CCDC136: variants seen among roughly 807,000 people sequenced by gnomAD.
The protein encoded by CCDC136 is coiled-coil domain containing 136, also known as coiled-coil domain-containing protein 136.
A neutral mutation model predicts 141.2 loss-of-function variants in CCDC136; 100 were observed. The observed-to-expected ratio is 0.71, with a 90% CI of 0.60 to 0.84. The LOEUF (loss-of-function observed/expected upper bound fraction) is 0.84, where lower values mean the gene tolerates loss of function less well. CCDC136 is among the 40% of genes least tolerant of loss of function. The pLI, the probability that CCDC136 is intolerant of heterozygous loss-of-function variation, is 0.00. For missense variants in CCDC136, 1,206 were observed against 1,379.4 expected (o/e 0.87, Z 1.99); for synonymous variants, 474 against 531.9 (o/e 0.89, Z 1.50).
chr7:128,805,732 C>A lies in CCDC136; in HGVS notation c.949-29C>A. ...GAGCATATGTGGTATCTGTAGTAAA[C>A]AAGCCTCCCTGTTCCATTTCCCACA... On this transcript the variant is annotated intron_variant, in intron 6 of 17. Coordinates refer to ENST00000297788, the MANE Select transcript of CCDC136 (RefSeq NM_022742.5). The surrounding 1 kb of genome is among the most constrained non-coding windows in gnomAD (Gnocchi z 4.6). The A allele has an allele frequency of 1.9e-6, 3 of 1,607,888 alleles. No individual in the cohort carries two copies. Among genetic ancestry groups the A allele is most frequent in the Non-Finnish European group, 2.5e-6 (3 of 1,176,912 alleles).
At chr7:128,809,999 C>T (rs990364272) in intron 11 of CCDC136, 140 bp from the exon 12 acceptor site, 23 of 617,456 alleles carry the variant, frequency 3.7e-5, no homozygotes, top group Non-Finnish European at 6.2e-5. Flanking sequence ...AGGGCTCCCC[C>T]GTCCCCAGAT....
chr7:128,806,228 C>A lies in CCDC136; in HGVS notation c.1090-9C>A. ...AGTAACTGTTCTACTCACATCCTCC[C>A]TACCACAGAATGAGGAGCTGAAGTC... On this transcript the variant is annotated splice_polypyrimidine_tract_variant and intron_variant, in intron 7 of 17. Transcript: ENST00000297788. 1 of 1,552,688 alleles carries A rather than the reference C, an allele frequency of 6.4e-7. No individual in the cohort carries two copies. Among genetic ancestry groups the A allele is most frequent in the East Asian group, 2.4e-5 (1 of 42,212 alleles).
In CCDC136 at chr7:128,806,774, G is replaced by A. The variant is rs769807732; in HGVS notation, c.1335G>A (p.Gln445=). ...AAAAGCTGCTGGAACGGCAGCAGCAGCTGCAGGAGGAGCTGCAGTGCCATG... is the reference window on the plus strand; with the variant it reads ...AAAAGCTGCTGGAACGGCAGCAGCAACTGCAGGAGGAGCTGCAGTGCCATG... ...EKEKLLERQQ[Q]LQEELQCHEA... Residue 445 remains glutamine, a synonymous_variant, in exon 9 of 18, where the codon CAG becomes CAA. Coordinates refer to ENST00000297788, the MANE Select transcript of CCDC136 (RefSeq NM_022742.5). The A allele has an allele frequency of 3.1e-6, 5 of 1,612,074 alleles. No individual in the cohort carries two copies. In the East Asian group the frequency reaches 6.7e-5, roughly 22 times the overall value.
At chr7:128,806,419 G>A in intron 8 of CCDC136, 24 bp downstream of exon 8, 3 of 1,582,812 alleles carry the variant, frequency 1.9e-6, no homozygotes, top group Non-Finnish European at 2.6e-6. Context: ...GAGGTGAGGG[G>A]ACAACTTAGG....
At chr7:128,802,855 A>G (rs780037597) in intron 4 of CCDC136, among the ~76,000 whole-genome samples, 98 of 152,242 alleles carry the variant, frequency 6.4e-4, no homozygotes, top group Non-Finnish European at 9.4e-4. Flanking sequence ...AAAAAACCTT[A>G]CAGAGCTATT....
intron 9 of CCDC136, 53 bp downstream of exon 9, chr7:128,806,911 G>C (rs979662616): frequency 1.3e-6 from 2 of 1,534,408 alleles, no homozygotes; most frequent in African/African-American, 1.4e-5. Context: ...TCTTGTGTGA[G>C]GGTGAGAGCA....
At chr7:128,804,596 C>A in intron 4 of CCDC136, 54 bp from the exon 5 acceptor site, 1 of 1,054,242 alleles carries the variant, frequency 9.5e-7, no homozygotes, top group South Asian at 1.4e-5. Flanking sequence ...GGGGGCTGGT[C>A]ATCAGTGCTT....
intron 3 of CCDC136, among the ~76,000 whole-genome samples, chr7:128,796,714 T>C (rs1159181230): frequency 5.7e-5 from 8 of 141,060 alleles, no homozygotes; most frequent in African/African-American, 2.3e-4. Context: ...GAAATGGAGA[T>C]GATTCAGAAT....
At chr7:128,791,681 A>C, upstream of CCDC136, 1 of 575,226 alleles carries the variant, frequency 1.7e-6, no homozygotes, top group South Asian at 8.4e-5. This position sits in a 1 kb window ranked among gnomAD's most constrained non-coding sequence, Gnocchi z 7.1. Flanking sequence ...TCCTCCCTCC[A>C]TCCTGGCCTC....
At chr7:128,809,676 G>C in intron 11 of CCDC136, 32 bp downstream of exon 11, 1 of 1,441,904 alleles carries the variant, frequency 6.9e-7, no homozygotes, top group Non-Finnish European at 9.3e-7. Flanking sequence ...GCTAACTGCG[G>C]GGAAGCTGCT....
rs899794189 is a variant in CCDC136, at chr7:128,817,447, A to T, written c.3364-311A>T. Among the ~76,000 whole-genome samples, 3 of 152,072 alleles carry T rather than the reference A, an allele frequency of 2.0e-5. No homozygotes were observed. Among genetic ancestry groups the T allele is most frequent in the Admixed American group, 6.6e-5 (1 of 15,260 alleles). On this transcript the variant is annotated intron_variant, in intron 16 of 17. Coordinates refer to ENST00000297788, the MANE Select transcript of CCDC136 (RefSeq NM_022742.5). The surrounding 1 kb of genome is among the most constrained non-coding windows in gnomAD (Gnocchi z 4.6). Reference sequence around the variant, plus strand: ...TCACAAGAAAGGTCTAGATGCAGATACCTCCTGCTTGACAGGATATGAGAG... The same window carrying T: ...TCACAAGAAAGGTCTAGATGCAGATTCCTCCTGCTTGACAGGATATGAGAG...
intron 15 of CCDC136, 88 bp from the exon 16 acceptor site, chr7:128,815,526 T>C: frequency 1.4e-6 from 2 of 1,395,292 alleles, no homozygotes; most frequent in Non-Finnish European, 1.9e-6. Context: ...CTGGAAGTCA[T>C]GTTTCCTGGA....
rs371781556 is a variant in CCDC136, at chr7:128,806,389, T to G, written c.1242T>G (p.Ser414Arg). Reference sequence around the variant, plus strand: ...AATCCACACTTGTAGAAAACCAGAGTGAGAAGGTAACAGCAACCAGAGGTG... The same window carrying G: ...AATCCACACTTGTAGAAAACCAGAGGGAGAAGGTAACAGCAACCAGAGGTG... The part of the protein sequence containing the change: ...VMKSTLVENQ[S>R]EKELLCRLQK... Residue 414 changes from serine to arginine, a missense_variant, in exon 8 of 18, where the codon AGT (serine) becomes AGG (arginine). By Grantham distance (110) the Ser-to-Arg change is moderately radical. Coordinates refer to ENST00000297788, the MANE Select transcript of CCDC136 (RefSeq NM_022742.5). 1.3e-6 allele frequency: 2 copies of G among 1,599,904 alleles called. No individual in the cohort carries two copies. The highest frequency in any genetic ancestry group is 2.7e-5 in the African/African-American group (2 of 74,558).
At position 128,806,609 on chromosome 7, in the gene CCDC136, G is replaced by T. The variant is rs1463877851; in HGVS notation, c.1249-79G>T. The T allele has an allele frequency of 2.2e-6, 3 of 1,347,166 alleles. No homozygotes were observed. In the Admixed American group the frequency reaches 7.0e-5, roughly 31 times the overall value. The allele number at this position is 1,347,166 out of a possible 1,614,324, so 83.5% of individuals were successfully genotyped here. A position where few individuals can be genotyped will look rare whatever the true frequency, so the allele number is the denominator to read the frequency against. On this transcript the variant is annotated intron_variant, in intron 8 of 17. Coordinates refer to ENST00000297788, the MANE Select transcript of CCDC136 (RefSeq NM_022742.5). ...GGAAGAAGCAAATCTTAGACTGTTG[G>T]TGTCTTCAAGTGACTCACACAGAAG...
intron 16 of CCDC136, among the ~76,000 whole-genome samples, chr7:128,816,191 T>G (rs554573455): frequency 6.6e-6 from 1 of 152,364 alleles, no homozygotes; most frequent in Admixed American, 6.5e-5. Context: ...GTGGGGTCTC[T>G]GGAGTCCTTT....
In CCDC136 at chr7:128,814,700, G is replaced by A. The variant is rs1162235396; in HGVS notation, c.2826G>A (p.Glu942=). 6.2e-7 allele frequency: 1 copy of A among 1,613,256 alleles called. No individual in the cohort carries two copies. The highest frequency in any genetic ancestry group is 1.3e-5 in the African/African-American group (1 of 74,918). The change falls in exon 15 of 18, where the codon GAG becomes GAA. Residue 942 remains glutamate (E), a synonymous_variant. Coordinates refer to ENST00000297788, the MANE Select transcript of CCDC136 (RefSeq NM_022742.5). ...TGCAATACCAGGCTAGCATGGATGA[G>A]CAGGGGCGGCTTCTGGTAGTGCAGG... ...LQLQYQASMD[E]QGRLLVVQEQ...
In CCDC136 at chr7:128,801,398, C is replaced by G. The variant is rs142162337; in HGVS notation, c.559C>G (p.Arg187Gly). Residue 187 changes from arginine to glycine, a missense_variant, in exon 4 of 18, where the codon CGC becomes GGC. Arg to Gly is a moderately radical substitution (Grantham distance 125). Transcript: ENST00000297788. The part of the protein sequence containing the change: ...RMQNELEDME[R>G]IRGDYEMEIA... ...GCAGAATGAACTTGAAGACATGGAA[C>G]GCATTCGGGGAGATTATGAGATGGA... The G allele has an allele frequency of 2.5e-6, 4 of 1,613,120 alleles. No individual in the cohort carries two copies. Among genetic ancestry groups the G allele is most frequent in the African/African-American group, 2.7e-5 (2 of 74,862 alleles).
At chr7:128,808,141 A>G (rs1262503517) in intron 10 of CCDC136, among the ~76,000 whole-genome samples, 1 of 152,144 alleles carries the variant, frequency 6.6e-6, no homozygotes, top group Non-Finnish European at 1.5e-5. Flanking sequence ...GGTTCAAGCA[A>G]TTCTCCTATC....
rs1562910163 is a variant in CCDC136 at position 128,801,177 on chromosome 7, A to G, written c.347-9A>G. The G allele has an allele frequency of 6.2e-7, 1 of 1,604,684 alleles. No homozygotes were observed. On this transcript the variant is annotated splice_polypyrimidine_tract_variant and intron_variant, in intron 3 of 17. Transcript: ENST00000297788. The stretch of plus-strand genomic sequence containing the variant: ...CCCTCTTGATCATCTCAACCTTTGG[A>G]CTTTGCAGGTGAGCTGCGTTCTCTA...
Sources: allele counts gnomAD v4.1 joint callset (sites outside exome capture counted in the v4.1 genomes callset), GRCh38; gene constraint gnomAD v4.1.1; non-coding constraint Gnocchi (gnomAD v3.1); transcripts MANE v1.5; gene names NCBI Gene and HGNC (gene_info 2026-07-23, HGNC 2026-07-21).